The following ARHGAP29 variants were observed in gnomAD, a reference collection of about 807,000 sequenced individuals.
The protein encoded by ARHGAP29 is rho GTPase-activating protein 29.
A neutral mutation model predicts 122.6 loss-of-function variants in ARHGAP29; 43 were observed. The observed-to-expected ratio is 0.35, with a 90% CI of 0.27 to 0.45. ARHGAP29 has a LOEUF of 0.45. Among genes scored for constraint, ARHGAP29 ranks in the 20% least tolerant of loss-of-function variants. ARHGAP29 has a pLI of 1.00. For synonymous variants in ARHGAP29, 506 were observed against 497.1 expected, an observed-to-expected ratio of 1.02 and a Z score of -0.24; for missense variants, 1,303 against 1,477.2, an observed-to-expected ratio of 0.88 and a Z score of 1.93.
Position 94,174,377 on chromosome 1 carries a change from T to C in ARHGAP29, c.3278A>G (p.Lys1093Arg). 1 of 1,614,202 alleles carries C rather than the reference T, an allele frequency of 6.2e-7. No homozygotes were observed. Among genetic ancestry groups the C allele is most frequent in the African/African-American group, 1.3e-5 (1 of 75,058 alleles). The change falls in exon 23 of 23, where the codon AAG becomes AGG. Residue 1093 changes from lysine (K) to arginine (R), a missense_variant. Physicochemically the swap from Lys to Arg is conservative, Grantham distance 26 (BLOSUM62 2). This residue lies in a region of ARHGAP29 where 620 missense variants were observed against 651.2 expected (regional missense o/e 0.95). Transcript: ENST00000260526. Reference sequence around the variant, plus strand: ...TGCACTGGGCATGATCATTGTAGTCTTGGCAGTTAGGCTGTTTTGTTCATA... The same window carrying C: ...TGCACTGGGCATGATCATTGTAGTCCTGGCAGTTAGGCTGTTTTGTTCATA... ...KQYEQNSLTA[K>R]TTMIMPSALQ...
rs1409548299 is a variant in ARHGAP29 at position 94,172,991 on chromosome 1, G to C, written c.*878C>G. On this transcript the variant is annotated 3_prime_UTR_variant, in exon 23 of 23. Transcript: ENST00000260526. ...CAAAACATTTCATACAAAAGGAATG[G>C]TTTTAACCCAGACAAATCAAGAGGA... 1.3e-5 allele frequency: 2 copies of C among 152,480 alleles called. No individual in the cohort carries two copies. The highest frequency in any genetic ancestry group is 2.9e-5 in the Non-Finnish European group (2 of 67,986). 9.4% of individuals were successfully genotyped at this position (152,480 alleles called of 1,614,324 possible).
At chr1:94,206,042 C>G (rs1405953629) in intron 5 of ARHGAP29, among the ~76,000 whole-genome samples, 1 of 152,164 alleles carries the variant, frequency 6.6e-6, no homozygotes, top group Non-Finnish European at 1.5e-5. Flanking sequence ...AGACACAGAT[C>G]TGCCTCTTCC....
chr1:94,201,718 A>C lies in ARHGAP29; in HGVS notation c.1281+2T>G. The C allele has an allele frequency of 1.9e-6, 3 of 1,613,252 alleles. No homozygotes were observed. The highest frequency in any genetic ancestry group is 2.5e-6 in the Non-Finnish European group (3 of 1,179,778). On this transcript the variant is annotated splice_donor_variant, in intron 12 of 22. Coordinates refer to ENST00000260526, the MANE Select transcript of ARHGAP29 (RefSeq NM_004815.4). LOFTEE classifies it high-confidence loss of function. ...CTTCAAAATACTGAAGAAATTACTT[A>C]CAGCTTTAAGGGTAAGATCACACTG...
chr1:94,248,366 C>A (rs990530499), intron 1 of ARHGAP29, among the ~76,000 whole-genome samples: 1 of 152,064 alleles, frequency 6.6e-6, no homozygotes, highest in African/African-American at 2.4e-5. Context: ...TGGAGGAAGC[C>A]GCAACCAAAA....
upstream of ARHGAP29, among the ~76,000 whole-genome samples, chr1:94,276,251 C>A (rs549998706): frequency 6.6e-6 from 1 of 150,730 alleles, no homozygotes; most frequent in Admixed American, 6.6e-5. Flanking sequence ...GAGCGAGACT[C>A]TGTCTCAAAA....
chr1:94,202,792 T>C, intron 10 of ARHGAP29, 60 bp from the exon 11 acceptor site: 1 of 1,573,862 alleles, frequency 6.4e-7, no homozygotes, highest in Non-Finnish European at 8.6e-7. Context: ...ACAAGTGTCT[T>C]TAGCATATTC....
At chr1:94,240,455 A>G (rs1653533148), upstream of ARHGAP29, among the ~76,000 whole-genome samples, 1 of 152,224 alleles carries the variant, frequency 6.6e-6, no homozygotes, top group Non-Finnish European at 1.5e-5. Flanking sequence ...TTATCACACA[A>G]ATACACTTTA....
chr1:94,277,827 A>G (rs1655240818), upstream of ARHGAP29, among the ~76,000 whole-genome samples: 4 of 152,192 alleles, frequency 2.6e-5, no homozygotes, highest in South Asian at 8.3e-4. Context: ...CCTAAGTCTA[A>G]GATCTTTATT....
At chr1:94,213,439 G>A (rs1045379422) in intron 3 of ARHGAP29, among the ~76,000 whole-genome samples, 1 of 152,066 alleles carries the variant, frequency 6.6e-6, no homozygotes, top group African/African-American at 2.4e-5. Context: ...GCCTCGGCCT[G>A]CCAAAGTGCT....
chr1:94,285,048 A>C, the ARHGAP29 span, among the ~76,000 whole-genome samples: 2 of 152,224 alleles, frequency 1.3e-5, no homozygotes, highest in East Asian at 3.8e-4. Flanking sequence ...TCTTTAACAA[A>C]AAAATTATTG....
the ARHGAP29 span, among the ~76,000 whole-genome samples, chr1:94,288,010 A>G: frequency 2.0e-5 from 3 of 152,218 alleles, no homozygotes; most frequent in South Asian, 6.2e-4. Context: ...TCCTTTGGGT[A>G]TATACCCAGT....
intron 2 of ARHGAP29, among the ~76,000 whole-genome samples, chr1:94,223,955 T>TCAC (rs1652471788): frequency 1.3e-5 from 2 of 151,998 alleles, no homozygotes; most frequent in South Asian, 4.1e-4. Flanking sequence ...TTACAGGTGC[T>TCAC]CACCACCACA....
At chr1:94,212,869 A>G (rs1307012366) in intron 3 of ARHGAP29, among the ~76,000 whole-genome samples, 3 of 151,284 alleles carry the variant, frequency 2.0e-5, no homozygotes, top group Non-Finnish European at 4.4e-5. Flanking sequence ...AAATATACCT[A>G]CTCTTTCCTA....
the ARHGAP29 span, among the ~76,000 whole-genome samples, chr1:94,308,784 TG>T: frequency 2.6e-5 from 4 of 152,330 alleles, no homozygotes; most frequent in African/African-American, 9.6e-5. Flanking sequence ...GGTGTCCACT[TG>T]GCATTTATGT....
chr1:94,189,747 T>C (rs1181972908), intron 13 of ARHGAP29, among the ~76,000 whole-genome samples, 179 bp downstream of exon 13: 1 of 152,174 alleles, frequency 6.6e-6, no homozygotes, highest in Non-Finnish European at 1.5e-5. Context: ...AGGCTCACTG[T>C]TAATGAATTA....
chr1:94,313,208 C>A, the ARHGAP29 span, among the ~76,000 whole-genome samples: 1 of 152,162 alleles, frequency 6.6e-6, no homozygotes, highest in Non-Finnish European at 1.5e-5. Flanking sequence ...TGCCCCAAGG[C>A]CTTTGTACTC....
chr1:94,185,593 G>A, intron 16 of ARHGAP29, 112 bp from the exon 17 acceptor site: 1 of 965,126 alleles, frequency 1.0e-6, no homozygotes, highest in Non-Finnish European at 1.4e-6. Context: ...ATTATAAAAA[G>A]CTTTGAATCT....
At chr1:94,223,774 T>C (rs1487883361) in intron 2 of ARHGAP29, among the ~76,000 whole-genome samples, 1 of 152,118 alleles carries the variant, frequency 6.6e-6, no homozygotes, top group South Asian at 2.1e-4. Flanking sequence ...AATAATATAA[T>C]TTGAATAGGT....
rs1650048892 is a variant in ARHGAP29, at chr1:94,190,106, C to G, written c.1282-23G>C. On this transcript the variant is annotated intron_variant, in intron 12 of 22. Transcript: ENST00000260526. ...TACCTATGGACCCAGAGACAAAAGG[C>G]AGAGTAACTCATGATATACAGAATG... 3 of 1,609,130 alleles carry G rather than the reference C, an allele frequency of 1.9e-6. No individual in the cohort carries two copies. In the Admixed American group the frequency reaches 5.1e-5, roughly 27 times the overall value.
Sources: allele counts gnomAD v4.1 joint callset (sites outside exome capture counted in the v4.1 genomes callset), GRCh38; gene constraint gnomAD v4.1.1; regional missense constraint gnomAD v4.1.1; transcripts MANE v1.5; gene names NCBI Gene and HGNC (gene_info 2026-07-23, HGNC 2026-07-21).